FAH: variants seen among roughly 807,000 people sequenced by gnomAD.
The protein encoded by FAH is fumarylacetoacetate hydrolase.
In FAH, 47 loss-of-function variants were observed where a neutral mutation model predicts 55.8. That is an observed-to-expected ratio of 0.84 (90% CI 0.67 to 1.07). FAH has a LOEUF of 1.07. Ranked by LOEUF, FAH falls within the 50% of genes least tolerant of loss-of-function variation. The probability of loss-of-function intolerance (pLI) is 0.00; values close to 1 mark genes in which losing one functional copy is unlikely to be tolerated. For missense variants in FAH, 495 were observed against 545.9 expected (o/e 0.91, Z 0.93); for synonymous variants, 199 against 207.7 (o/e 0.96, Z 0.36).
In FAH at chr15:80,160,452, C is replaced by T. The variant is rs2142092612; in HGVS notation, c.357C>T (p.Ala119=). 2 of 1,614,176 alleles carry T rather than the reference C, an allele frequency of 1.2e-6. No homozygotes were observed. The highest frequency in any genetic ancestry group is 1.7e-6 in the Non-Finnish European group (2 of 1,180,000). Residue 119 remains alanine (A), a synonymous_variant, in exon 4 of 14, where the codon GCC becomes GCT. Coordinates refer to ENST00000561421, the MANE Select transcript of FAH (RefSeq NM_000137.4). ...SQASATMHLP[A]TIGDYTDFYS... is the part of the protein sequence containing the mutation. The stretch of plus-strand genomic sequence containing the variant: ...CTTCTGCCACGATGCACCTTCCAGC[C>T]ACCATAGGTGAGTGCAGTCTCTTCA...
At chr15:80,175,272 G>T (rs2041273277) in intron 10 of FAH, among the ~76,000 whole-genome samples, 181 bp downstream of exon 10, 1 of 152,010 alleles carries the variant, frequency 6.6e-6, no homozygotes, top group African/African-American at 2.4e-5. Flanking sequence ...TGCTCACTGG[G>T]AACCTAACTG....
At position 80,159,896 on chromosome 15, in the gene FAH, T is replaced by A; in HGVS notation, c.314+19T>A. On this transcript the variant is annotated intron_variant, in intron 3 of 13. Transcript: ENST00000561421. ...GGAAGTGGTGAGAAGCACGTGGTCATAGGGGGGATGAGGGGATGCAGCAGG... is the reference window on the plus strand; with the variant it reads ...GGAAGTGGTGAGAAGCACGTGGTCAAAGGGGGGATGAGGGGATGCAGCAGG... 1 of 1,613,630 alleles carries A rather than the reference T, an allele frequency of 6.2e-7. No homozygotes were observed. The highest frequency in any genetic ancestry group is 1.1e-5 in the South Asian group (1 of 91,044).
In FAH at chr15:80,168,139, A is replaced by G. The variant is rs537190415; in HGVS notation, c.543A>G (p.Lys181=). The change falls in exon 6 of 14, where the codon AAA becomes AAG. Residue 181 remains lysine, a synonymous_variant. Transcript: ENST00000561421. ...TPIRRPMGQM[K]PDDSKPPVYG... is the part of the protein sequence containing the mutation. ...TCCGAAGGCCCATGGGACAGATGAA[A>G]CCTGATGACTGTGAGTGACCGCAGC... 1.4e-4 allele frequency: 228 copies of G among 1,613,760 alleles called. 1 individual carries two copies. In the South Asian group the frequency reaches 2.3e-3, roughly 16 times the overall value.
At position 80,172,207 on chromosome 15, in the gene FAH, A is replaced by G. The variant is rs749071271; in HGVS notation, c.665A>G (p.His222Arg). The G allele has an allele frequency of 3.1e-6, 5 of 1,614,180 alleles. No individual in the cohort carries two copies. In the East Asian group the frequency reaches 6.7e-5, roughly 22 times the overall value. Residue 222 changes from histidine to arginine, a missense_variant, in exon 8 of 14, where the codon CAT becomes CGT. Physicochemically the swap from His to Arg is conservative, Grantham distance 29. Transcript: ENST00000561421. ...LGEPIPISKAHEHIFGMVLMN... is the reference protein window; with the variant it reads ...LGEPIPISKAREHIFGMVLMN... The stretch of plus-strand genomic sequence containing the variant: ...GAGCCGATCCCCATTTCCAAGGCCC[A>G]TGAGCACATTTTTGGAATGGTCCTT...
chr15:80,159,944 T>C, intron 3 of FAH, 67 bp downstream of exon 3: 1 of 1,571,392 alleles, frequency 6.4e-7, no homozygotes, highest in Non-Finnish European at 8.7e-7. Context: ...TGTGTGGTTA[T>C]CAGTGCCATT....
intron 1 of FAH, 89 bp downstream of exon 1, chr15:80,153,224 A>G: frequency 1.8e-6 from 2 of 1,089,480 alleles, no homozygotes; most frequent in Non-Finnish European, 1.4e-6. Flanking sequence ...AATGGAGTGG[A>G]ATGAGGGGCG....
At chr15:80,183,868 G>A (rs2041349776) in intron 13 of FAH, among the ~76,000 whole-genome samples, 1 of 152,166 alleles carries the variant, frequency 6.6e-6, no homozygotes, top group South Asian at 2.1e-4. Context: ...GATCACACAG[G>A]CGATAAAGGG....
intron 13 of FAH, among the ~76,000 whole-genome samples, chr15:80,185,498 A>G (rs2041362872): frequency 6.6e-6 from 1 of 152,214 alleles, no homozygotes; most frequent in Non-Finnish European, 1.5e-5. Context: ...GGGAGAGTTG[A>G]CCACTGTATT....
intron 11 of FAH, 94 bp downstream of exon 11, chr15:80,177,677 G>A: frequency 2.5e-6 from 3 of 1,186,618 alleles, no homozygotes; most frequent in Non-Finnish European, 3.8e-6. Context: ...TTCCTTTTGG[G>A]ATATGATGAT....
chr15:80,172,164 C>T lies in FAH; in HGVS notation c.622C>T (p.Pro208Ser), dbSNP rs759845695. The stretch of plus-strand genomic sequence containing the variant: ...CCCATGTAAGGCTTTTTTTGTAGGC[C>T]CTGGAAACAGATTGGGAGAGCCGAT... ...MELEMAFFVGPGNRLGEPIPI... is the reference protein window; with the variant it reads ...MELEMAFFVGSGNRLGEPIPI... Residue 208 changes from proline to serine, a missense_variant, in exon 8 of 14, where the codon CCT becomes TCT. Physicochemically the swap from Pro to Ser is moderately conservative, Grantham distance 74. Coordinates refer to ENST00000561421, the MANE Select transcript of FAH (RefSeq NM_000137.4). 2.0e-5 allele frequency: 32 copies of T among 1,613,804 alleles called. No homozygotes were observed. In the East Asian group the frequency reaches 6.9e-4, roughly 35 times the overall value.
Position 80,160,479 on chromosome 15 carries a change from C to T in FAH, c.364+20C>T. 6.2e-7 allele frequency: 1 copy of T among 1,613,230 alleles called. No individual in the cohort carries two copies. Among genetic ancestry groups the T allele is most frequent in the South Asian group, 1.1e-5 (1 of 91,066 alleles). On this transcript the variant is annotated intron_variant, in intron 4 of 13. Coordinates refer to ENST00000561421, the MANE Select transcript of FAH (RefSeq NM_000137.4). ...CCATAGGTGAGTGCAGTCTCTTCAC[C>T]AAGATAAGAACGGAGCAGCTTCGTG...
rs141706289 is a variant in FAH at position 80,159,652 on chromosome 15, G to A, written c.193-104G>A. ...GTCCTGAGAGTTTGAGTTAGCGGGAGAGAAGTGGCAAGGGCTGGCAGGCTG... is the reference window on the plus strand; with the variant it reads ...GTCCTGAGAGTTTGAGTTAGCGGGAAAGAAGTGGCAAGGGCTGGCAGGCTG... On this transcript the variant is annotated intron_variant, in intron 2 of 13. Transcript: ENST00000561421. 10 of 1,331,452 alleles carry A rather than the reference G, an allele frequency of 7.5e-6. No individual in the cohort carries two copies. In the African/African-American group the frequency reaches 1.3e-4, roughly 17 times the overall value. 82.5% of individuals were successfully genotyped at this position (1,331,452 alleles called of 1,614,324 possible).
chr15:80,181,793 T>C (rs2041333419), intron 13 of FAH, among the ~76,000 whole-genome samples: 1 of 152,176 alleles, frequency 6.6e-6, no homozygotes, highest in Non-Finnish European at 1.5e-5. Flanking sequence ...TCATCCAATC[T>C]GGAGTGCAGT....
intron 12 of FAH, chr15:80,180,459 G>A: frequency 1.8e-6 from 1 of 547,034 alleles, no homozygotes; most frequent in Non-Finnish European, 3.3e-6. Flanking sequence ...CCTCTGTAGG[G>A]GAGCAGCGCA....
chr15:80,174,043 T>C (rs1349263497), intron 9 of FAH, among the ~76,000 whole-genome samples: 3 of 152,194 alleles, frequency 2.0e-5, no homozygotes, highest in Non-Finnish European at 4.4e-5. Context: ...CTGAGGTCTT[T>C]CCTTGCAAGC....
intron 7 of FAH, among the ~76,000 whole-genome samples, chr15:80,169,936 T>C (rs1452146936): frequency 1.3e-5 from 2 of 152,166 alleles, no homozygotes; most frequent in Non-Finnish European, 2.9e-5. Context: ...CTTCACACAG[T>C]CTCCCCCAGT....
chr15:80,158,023 G>C, intron 1 of FAH, 37 bp from the exon 2 acceptor site: 1 of 1,512,720 alleles, frequency 6.6e-7, no homozygotes, highest in Non-Finnish European at 9.2e-7. Context: ...CCAGCCAGGG[G>C]CTTTTTCTGG....
At chr15:80,176,354 T>A (rs2114706) in intron 10 of FAH, among the ~76,000 whole-genome samples, 1 of 152,022 alleles carries the variant, frequency 6.6e-6, no homozygotes, top group African/African-American at 2.4e-5. Context: ...GTCTGTACAC[T>A]CCAGGCTTTG....
At chr15:80,179,895 T>G (rs2041314685) in intron 11 of FAH, among the ~76,000 whole-genome samples, 2 of 151,780 alleles carry the variant, frequency 1.3e-5, no homozygotes, top group African/African-American at 4.8e-5. Flanking sequence ...GGAGCTGAGG[T>G]TGGAGTTTGT....
Sources: allele counts gnomAD v4.1 joint callset (sites outside exome capture counted in the v4.1 genomes callset), GRCh38; gene constraint gnomAD v4.1.1; transcripts MANE v1.5; gene names NCBI Gene and HGNC (gene_info 2026-07-23, HGNC 2026-07-21).